Variants in CADPS observed in about 807,000 individuals in gnomAD.
The protein encoded by CADPS is calcium-dependent secretion activator 1.
CADPS carries 57 observed loss-of-function variants against 167.3 expected under a neutral mutation model. The ratio of observed to expected loss-of-function variants is 0.34; its 90% CI spans 0.28 to 0.42. The LOEUF (loss-of-function observed/expected upper bound fraction) is 0.42. Among genes scored for constraint, CADPS ranks in the 20% least tolerant of loss-of-function variants. CADPS has a pLI of 1.00. For synonymous variants in CADPS, 676 were observed against 635.3 expected, an observed-to-expected ratio of 1.06 and a Z score of -0.96; for missense variants, 1,414 against 1,738.1, an observed-to-expected ratio of 0.81 and a Z score of 3.32.
intron 3 of CADPS, among the ~76,000 whole-genome samples, chr3:62,717,602 C>T (rs930822746): frequency 1.3e-5 from 2 of 152,136 alleles, no homozygotes; most frequent in African/African-American, 2.4e-5. Flanking sequence ...TTCTTATTGG[C>T]CTTGTTTCCA....
intron 1 of CADPS, among the ~76,000 whole-genome samples, chr3:62,861,057 C>T (rs1474031056): frequency 6.6e-6 from 1 of 152,138 alleles, no homozygotes; most frequent in East Asian, 1.9e-4. Flanking sequence ...CTCCTCTCTC[C>T]TTCTATGGGC....
intron 4 of CADPS, among the ~76,000 whole-genome samples, chr3:62,656,466 G>C (rs991906952): frequency 6.6e-6 from 1 of 152,182 alleles, no homozygotes; most frequent in Non-Finnish European, 1.5e-5. Context: ...AAACCTAGCA[G>C]AGTTTTTGTT....
intron 9 of CADPS, among the ~76,000 whole-genome samples, chr3:62,561,418 AT>A (rs538116044): frequency 0.014 from 1,892 of 136,062 alleles, 14 homozygotes; most frequent in African/African-American, 0.034. Flanking sequence ...ATGCCTGGCT[AT>A]TTTTTTTTTT....
At chr3:62,757,495 G>A (rs957154292) in intron 2 of CADPS, among the ~76,000 whole-genome samples, 6 of 152,096 alleles carry the variant, frequency 3.9e-5, no homozygotes, top group African/African-American at 1.4e-4. Flanking sequence ...TAAGAGCAAA[G>A]CAGACTCCTC....
At chr3:62,700,186 T>C (rs1034070604) in intron 3 of CADPS, among the ~76,000 whole-genome samples, 2 of 152,158 alleles carry the variant, frequency 1.3e-5, no homozygotes, top group African/African-American at 2.4e-5. Flanking sequence ...ATCTTACATC[T>C]GTAGTGGTTT....
At chr3:62,416,920 T>C (rs1012259405) in intron 28 of CADPS, among the ~76,000 whole-genome samples, 8 of 152,048 alleles carry the variant, frequency 5.3e-5, no homozygotes, top group African/African-American at 1.9e-4. Context: ...CCCAGGCTGC[T>C]GTTACCCAGG....
chr3:62,755,485 A>G (rs1365378460), intron 2 of CADPS, among the ~76,000 whole-genome samples: 1 of 152,194 alleles, frequency 6.6e-6, no homozygotes, highest in African/African-American at 2.4e-5. Context: ...CAAGAGGCAG[A>G]GCAAATGTTC....
chr3:62,731,835 A>AGAGG (rs2077938321), intron 3 of CADPS, among the ~76,000 whole-genome samples: 1 of 110,238 alleles, frequency 9.1e-6, no homozygotes, highest in African/African-American at 3.9e-5. Flanking sequence ...AAAAAAGTAA[A>AGAGG]GAAGGAAGAA....
intron 1 of CADPS, among the ~76,000 whole-genome samples, chr3:62,803,846 C>T (rs1389620021): frequency 6.6e-6 from 1 of 152,114 alleles, no homozygotes; most frequent in Non-Finnish European, 1.5e-5. Context: ...GTCCTACATC[C>T]TCTCACCAGT....
chr3:62,487,330 C>T (rs1283045808), intron 21 of CADPS, among the ~76,000 whole-genome samples: 3 of 152,210 alleles, frequency 2.0e-5, no homozygotes, highest in Non-Finnish European at 2.9e-5. Flanking sequence ...TGAGCTAACA[C>T]TGAAGAGCTG....
chr3:62,628,623 GC>G (rs1554012340), intron 6 of CADPS, among the ~76,000 whole-genome samples: 1 of 20,572 alleles, frequency 4.9e-5, no homozygotes, highest in African/African-American at 1.1e-4. Context: ...TCAACCATGA[GC>G]CTTTTTTTTT....
chr3:62,464,204 G>A (rs998448317), intron 26 of CADPS, among the ~76,000 whole-genome samples: 1 of 152,144 alleles, frequency 6.6e-6, no homozygotes, highest in Non-Finnish European at 1.5e-5. Context: ...GAAAACTGAG[G>A]TTCTGAGGGG....
At chr3:62,649,543 CTTTTTTTTTTTTTT>C (rs369874258) in intron 5 of CADPS, among the ~76,000 whole-genome samples, 34 of 37,806 alleles carry the variant, frequency 9.0e-4, no homozygotes, top group African/African-American at 2.2e-3. Context: ...AATATGTGGT[CTTTTTTTTTTTTTT>C]TTTTTTTTTT....
At position 62,795,885 on chromosome 3, in the gene CADPS, TGG is replaced by T. The variant is rs752587172; in HGVS notation, c.442-29903_442-29902del. Among the ~76,000 whole-genome samples the T allele has an allele frequency of 2.2e-3, 332 of 152,244 alleles. 6 individuals carry two copies. Among genetic ancestry groups the T allele is most frequent in the Non-Finnish European group, 1.6e-3 (112 of 68,012 alleles). On this transcript the variant is annotated intron_variant, in intron 1 of 29. Transcript: ENST00000383710. ...TGGGAGGTAACAGAGTAGAGAAGACTGGGACCATATTCCAGGTGGAGGGAACA... is the reference window on the plus strand; with the variant it reads ...TGGGAGGTAACAGAGTAGAGAAGACTGACCATATTCCAGGTGGAGGGAACA...
At chr3:62,405,149 G>T (rs375743262) in intron 28 of CADPS, among the ~76,000 whole-genome samples, 30 of 140,412 alleles carry the variant, frequency 2.1e-4, no homozygotes, top group South Asian at 9.7e-4. Context: ...GGGGGGGGGG[G>T]GCTCAACAGA....
chr3:62,710,087 T>C (rs1178901395), intron 3 of CADPS, among the ~76,000 whole-genome samples: 12 of 152,120 alleles, frequency 7.9e-5, no homozygotes, highest in Non-Finnish European at 2.9e-5. Flanking sequence ...TTAATATCTA[T>C]GTTAATATCT....
intron 27 of CADPS, among the ~76,000 whole-genome samples, chr3:62,443,739 G>C (rs2367085): frequency 0.95 from 144,034 of 152,200 alleles, 68,471 homozygotes; most frequent in Non-Finnish European, 0.99. Flanking sequence ...GCCTCCCCAG[G>C]CATGCCGAAC....
intron 17 of CADPS, among the ~76,000 whole-genome samples, chr3:62,503,497 T>C (rs772563149): frequency 1.1e-4 from 16 of 152,222 alleles, no homozygotes; most frequent in Non-Finnish European, 1.2e-4. Context: ...AATTAATTGC[T>C]TTGCAAAAGC....
chr3:62,868,928 A>G (rs1054777121), intron 1 of CADPS, among the ~76,000 whole-genome samples: 5 of 152,146 alleles, frequency 3.3e-5, no homozygotes, highest in Non-Finnish European at 7.4e-5. Context: ...ATTATCCCAG[A>G]GTCTTGCCTA....
Sources: gnomAD v4.1 joint callset for allele counts (sites outside exome capture counted in the v4.1 genomes callset) on GRCh38, gnomAD v4.1.1 for gene constraint, MANE v1.5 for transcripts, NCBI Gene and HGNC (gene_info 2026-07-23, HGNC 2026-07-21) for gene names.